Variants in MYCBP2 observed in about 807,000 individuals in gnomAD.
MYCBP2 encodes the protein MYC binding protein 2.
In MYCBP2, 120 loss-of-function variants were observed where a neutral mutation model predicts 525.3. The observed-to-expected ratio is 0.23, with a 90% CI of 0.20 to 0.27. The LOEUF (loss-of-function observed/expected upper bound fraction) is 0.27. Ranked by LOEUF, MYCBP2 falls within the 10% of genes least tolerant of loss-of-function variation. The probability of loss-of-function intolerance (pLI) is 1.00; values close to 1 mark genes in which losing one functional copy is unlikely to be tolerated. For synonymous variants in MYCBP2, 1,894 were observed against 1,955.8 expected, an observed-to-expected ratio of 0.97 and a Z score of 0.83; for missense variants, 4,149 against 5,657.1, an observed-to-expected ratio of 0.73 and a Z score of 8.55.
At position 77,097,470 on chromosome 13, in the gene MYCBP2, G is replaced by A; in HGVS notation, c.9684C>T (p.Ala3228=). 6.2e-7 allele frequency: 1 copy of A among 1,613,312 alleles called. No individual in the cohort carries two copies. The highest frequency in any genetic ancestry group is 8.5e-7 in the Non-Finnish European group (1 of 1,179,714). ...TCTCTGGTCCTCCTACTGCCAGCTG[G>A]GCCATCTCTCCAAACAAATTACCCC... is the stretch of plus-strand genomic sequence containing the variant. The part of the protein sequence containing the change: ...RPRGNLFGEM[A]QLAVGGPEKD... The change falls in exon 56 of 83, where the codon GCC becomes GCT. Residue 3228 remains alanine (A), a synonymous_variant. Transcript: ENST00000544440.
intron 65 of MYCBP2, among the ~76,000 whole-genome samples, chr13:77,080,044 T>C (rs1380642827): frequency 1.3e-5 from 2 of 152,214 alleles, no homozygotes; most frequent in Admixed American, 1.3e-4. Context: ...GAGCCAAAGA[T>C]AGCTTTGCAC....
chr13:77,108,118 G>A (rs1377470166), intron 55 of MYCBP2, among the ~76,000 whole-genome samples: 1 of 152,040 alleles, frequency 6.6e-6, no homozygotes, highest in Non-Finnish European at 1.5e-5. Flanking sequence ...ATAGAAACAA[G>A]CTTTTTACTA....
At position 77,267,898 on chromosome 13, in the gene MYCBP2, T is replaced by A; in HGVS notation, c.1300A>T (p.Thr434Ser). Residue 434 changes from threonine (T) to serine (S), a missense_variant, in exon 8 of 83, where the codon ACA becomes TCA. Thr to Ser is a moderately conservative substitution (Grantham distance 58, BLOSUM62 1). Coordinates refer to ENST00000544440, the MANE Select transcript of MYCBP2 (RefSeq NM_015057.5). Reference protein sequence around the residue: ...LYRDVNNHSMTAIRISPETLE... With the variant: ...LYRDVNNHSMSAIRISPETLE... The stretch of plus-strand genomic sequence containing the variant: ...GTTTCAGGGCTTATCCTTATGGCTG[T>A]CATGCTGTGGTTATTCACATCTCTA... The A allele has an allele frequency of 6.2e-7, 1 of 1,613,938 alleles. No homozygotes were observed.
chr13:77,280,821 T>C (rs1403787477), intron 3 of MYCBP2, among the ~76,000 whole-genome samples: 2 of 152,200 alleles, frequency 1.3e-5, no homozygotes, highest in Non-Finnish European at 2.9e-5. Flanking sequence ...GAACTCTTCA[T>C]CTGTCTGGGT....
chr13:77,127,861 T>A (rs2051966514), intron 52 of MYCBP2, among the ~76,000 whole-genome samples: 2 of 151,868 alleles, frequency 1.3e-5, no homozygotes, highest in South Asian at 4.1e-4. Context: ...AAAGTCACCA[T>A]TAACTTTCAC....
rs1469423388 is a variant in MYCBP2, at chr13:77,181,877, C to T, written c.4765G>A (p.Ala1589Thr). The part of the protein sequence containing the change: ...NFKTSSSRLL[A>T]AVMSALCHTS... ...TGACACAGAGCTGACATAACAGCTG[C>T]AAGGAGTCGGCTACTTGATGTCTTG... Residue 1589 changes from alanine (A) to threonine (T), a missense_variant, in exon 33 of 83, where the codon GCA (alanine) becomes ACA (threonine). Coordinates refer to ENST00000544440, the MANE Select transcript of MYCBP2 (RefSeq NM_015057.5). 6.2e-7 allele frequency: 1 copy of T among 1,613,938 alleles called. No homozygotes were observed. The highest frequency in any genetic ancestry group is 2.2e-5 in the East Asian group (1 of 44,878).
At chr13:77,220,224 G>C (rs1328223286) in intron 20 of MYCBP2, among the ~76,000 whole-genome samples, 1 of 152,040 alleles carries the variant, frequency 6.6e-6, no homozygotes, top group African/African-American at 2.4e-5. Flanking sequence ...TCTTTAACTT[G>C]AGTAGGAAAT....
chr13:77,180,308 T>G lies in MYCBP2; in HGVS notation c.4952A>C (p.Asn1651Thr). Residue 1651 changes from asparagine (N) to threonine (T), a missense_variant, in exon 34 of 83, where the codon AAT becomes ACT. Physicochemically the swap from Asn to Thr is moderately conservative, Grantham distance 65. Around this residue, in one of 21 missense-constraint regions of MYCBP2, gnomAD observed 292 missense variants for 330.5 expected, o/e 0.88. Coordinates refer to ENST00000544440, the MANE Select transcript of MYCBP2 (RefSeq NM_015057.5). ...HMEKLSQSEE[N>T]ISGMTSFREV... ...ACGGAAGCTTGTCATCCCTGAGATA[T>G]TCTCTTCACTCTGCGATACATAAGA... The G allele has an allele frequency of 1.2e-6, 2 of 1,614,106 alleles. No individual in the cohort carries two copies. The highest frequency in any genetic ancestry group is 1.7e-6 in the Non-Finnish European group (2 of 1,179,960).
intron 81 of MYCBP2, 63 bp downstream of exon 81, chr13:77,051,748 G>T: frequency 8.2e-7 from 1 of 1,221,130 alleles, no homozygotes; most frequent in Middle Eastern, 1.9e-4. Flanking sequence ...CCATATTATT[G>T]TTTAAAAAAT....
At chr13:77,170,743 A>AT (rs1291491322) in intron 38 of MYCBP2, among the ~76,000 whole-genome samples, 1 of 151,828 alleles carries the variant, frequency 6.6e-6, no homozygotes, top group East Asian at 1.9e-4. Context: ...CGCCTGGCTA[A>AT]TTTTTTTATT....
At chr13:77,187,202 C>T (rs531909060) in intron 30 of MYCBP2, among the ~76,000 whole-genome samples, 1 of 152,070 alleles carries the variant, frequency 6.6e-6, no homozygotes, top group African/African-American at 2.4e-5. Context: ...AACATAAATA[C>T]AAAGGGGTTA....
At position 77,083,023 on chromosome 13, in the gene MYCBP2, C is replaced by T. The variant is rs750538572; in HGVS notation, c.11036+9G>A. ...CAATGTACCTAGGATATGTGGATAC[C>T]AAAATTACCTCAGGGCCATTTGCTG... is the stretch of plus-strand genomic sequence containing the variant. On this transcript the variant is annotated intron_variant, in intron 63 of 82. Transcript: ENST00000544440. 4.4e-6 allele frequency: 7 copies of T among 1,608,320 alleles called. No homozygotes were observed. In the African/African-American group the frequency reaches 9.4e-5, roughly 22 times the overall value.
intron 68 of MYCBP2, among the ~76,000 whole-genome samples, chr13:77,072,223 A>T (rs1166035309): frequency 6.6e-6 from 1 of 151,174 alleles, no homozygotes; most frequent in African/African-American, 2.4e-5. Context: ...CCCAGGAGTC[A>T]GAGCTTGCAG....
intron 37 of MYCBP2, 91 bp downstream of exon 37, chr13:77,174,220 A>T: frequency 8.7e-7 from 1 of 1,145,366 alleles, no homozygotes; most frequent in Non-Finnish European, 1.3e-6. Flanking sequence ...CAATTTAATT[A>T]TAAGTATCCA....
At chr13:77,068,487 T>C (rs2040575416) in intron 70 of MYCBP2, 78 bp downstream of exon 70, 1 of 1,522,756 alleles carries the variant, frequency 6.6e-7, no homozygotes, top group Non-Finnish European at 8.9e-7. Flanking sequence ...GGTCCTTAGA[T>C]AATTCTCTTT....
At position 77,190,254 on chromosome 13, in the gene MYCBP2, G is replaced by A; in HGVS notation, c.4152C>T (p.Tyr1384=). ...TTCAGTATAAATATGCTAAATACCT[G>A]TATAATAACTGAGGTATCTGACCCG... ...VNAGQIPQLL[Y]RLPTSDGSAS... Residue 1384 remains tyrosine, a splice_region_variant and synonymous_variant, in exon 29 of 83, where the codon TAC becomes TAT. Coordinates refer to ENST00000544440, the MANE Select transcript of MYCBP2 (RefSeq NM_015057.5). The A allele has an allele frequency of 6.3e-7, 1 of 1,578,868 alleles. No homozygotes were observed. Among genetic ancestry groups the A allele is most frequent in the Non-Finnish European group, 8.7e-7 (1 of 1,150,234 alleles).
intron 55 of MYCBP2, among the ~76,000 whole-genome samples, chr13:77,104,053 C>T (rs2047481496): frequency 1.3e-5 from 2 of 152,000 alleles, no homozygotes; most frequent in African/African-American, 4.8e-5. Flanking sequence ...CTTTAAATTG[C>T]AGTCTTTTAA....
Position 77,093,242 on chromosome 13 carries a change from CG to C in MYCBP2, c.10289del (p.Pro3430ArgfsTer5). The C allele has an allele frequency of 6.2e-7, 1 of 1,613,312 alleles. No homozygotes were observed. Among genetic ancestry groups the C allele is most frequent in the Non-Finnish European group, 8.5e-7 (1 of 1,179,452 alleles). On this transcript the variant is annotated frameshift_variant, in exon 59 of 83. Coordinates refer to ENST00000544440, the MANE Select transcript of MYCBP2 (RefSeq NM_015057.5). LOFTEE classifies it high-confidence loss of function. ...RYLRSTSVPA[P>X]YISVTPDASP... ...TTGCATCAGGAGTTACTGATATATA[CG>C]GGGCAGGTACAGATGTTGAACGTAG...
chr13:77,211,453 A>G (rs904936914), intron 22 of MYCBP2, 133 bp from the exon 23 acceptor site: 10 of 383,362 alleles, frequency 2.6e-5, no homozygotes, highest in African/African-American at 2.1e-4. Context: ...TAATTAAAAA[A>G]TCTTTAAGTG....
Sources: gnomAD v4.1 joint callset for allele counts (sites outside exome capture counted in the v4.1 genomes callset) on GRCh38, gnomAD v4.1.1 for gene constraint, gnomAD v4.1.1 regional missense constraint, MANE v1.5 for transcripts, NCBI Gene and HGNC (gene_info 2026-07-23, HGNC 2026-07-21) for gene names.